The following CLEC2A variants were observed in gnomAD, a reference collection of about 807,000 sequenced individuals.
The protein encoded by CLEC2A is C-type lectin domain family 2 member A, also known as keratinocyte-associated C-type lectin.
A neutral mutation model predicts 18.6 loss-of-function variants in CLEC2A; 19 were observed. The ratio of observed to expected loss-of-function variants is 1.02; its 90% confidence interval spans 0.71 to 1.50. The LOEUF (loss-of-function observed/expected upper bound fraction) is 1.50. Among genes scored for constraint, CLEC2A ranks in the 40% most tolerant of loss-of-function variants. The probability of loss-of-function intolerance (pLI) is 0.00; values close to 1 mark genes in which losing one functional copy is unlikely to be tolerated. For synonymous variants in CLEC2A, 74 were observed against 64.0 expected (o/e 1.16, Z -0.75); for missense variants, 190 against 207.9 (o/e 0.91, Z 0.53).
chr12:9,929,099 G>T (rs1229532389), intron 1 of CLEC2A, among the ~76,000 whole-genome samples: 2 of 151,918 alleles, frequency 1.3e-5, no homozygotes, highest in African/African-American at 2.4e-5. Flanking sequence ...GTATTGATTT[G>T]TTAAATGTGC....
intron 1 of CLEC2A, among the ~76,000 whole-genome samples, chr12:9,931,752 G>C (rs779813297): frequency 6.6e-6 from 1 of 152,030 alleles, no homozygotes; most frequent in Non-Finnish European, 1.5e-5. Context: ...CAATTCATTC[G>C]TTTTCTTTAA....
At chr12:9,894,113 T>C (rs1171571938), downstream of CLEC2A, among the ~76,000 whole-genome samples, 3 of 131,148 alleles carry the variant, frequency 2.3e-5, no homozygotes, top group Non-Finnish European at 3.1e-5. Context: ...CTTTTTCTTT[T>C]TCTTTCTTTT....
chr12:9,890,392 G>A, the CLEC2A span, among the ~76,000 whole-genome samples: 4 of 151,006 alleles, frequency 2.6e-5, no homozygotes, highest in Non-Finnish European at 5.9e-5. Flanking sequence ...CCCATCTTTC[G>A]AGAGCTGAGG....
chr12:9,899,581 C>A (rs1265368038), intron 4 of CLEC2A, among the ~76,000 whole-genome samples: 1 of 152,170 alleles, frequency 6.6e-6, no homozygotes, highest in Admixed American at 6.5e-5. Flanking sequence ...TTTCCCTCTT[C>A]CATCTTTGCA....
chr12:9,918,594 T>C (rs1863111290), intron 3 of CLEC2A, among the ~76,000 whole-genome samples: 1 of 152,244 alleles, frequency 6.6e-6, no homozygotes, highest in Admixed American at 6.5e-5. Flanking sequence ...TCTTTTATGA[T>C]TCCATATGAA....
At chr12:9,919,538 C>T (rs1863129916) in intron 3 of CLEC2A, among the ~76,000 whole-genome samples, 1 of 152,222 alleles carries the variant, frequency 6.6e-6, no homozygotes, top group Non-Finnish European at 1.5e-5. Context: ...AGAGAGGTTT[C>T]CTGTTGCCCC....
chr12:9,884,794 T>TTTTA, the CLEC2A span: 1 of 372,966 alleles, frequency 2.7e-6, no homozygotes, highest in African/African-American at 2.1e-5. Context: ...ATTCTAGACT[T>TTTTA]TTTATTTTTA....
At chr12:9,901,434 A>G (rs117261728) in intron 4 of CLEC2A, among the ~76,000 whole-genome samples, 2,668 of 152,334 alleles carry the variant, frequency 0.018, 38 homozygotes, top group Non-Finnish European at 0.027. Context: ...ACCTAACATA[A>G]CAACTTTAAT....
At chr12:9,893,391 A>C in the CLEC2A span, 1 of 1,058,672 alleles carries the variant, frequency 9.4e-7, no homozygotes, top group South Asian at 1.5e-5. Context: ...AAATTTTTTT[A>C]AACAAATGAA....
the CLEC2A span, among the ~76,000 whole-genome samples, chr12:9,888,352 T>C: frequency 6.6e-6 from 1 of 151,652 alleles, no homozygotes; most frequent in African/African-American, 2.4e-5. Context: ...TAGCTGGGCA[T>C]GGTGGTGCGC....
At chr12:9,892,343 G>A in the CLEC2A span, among the ~76,000 whole-genome samples, 4 of 152,282 alleles carry the variant, frequency 2.6e-5, no homozygotes, top group South Asian at 8.3e-4. Flanking sequence ...ATGAAGTGCA[G>A]GTTGTAAAGA....
At chr12:9,889,534 T>A in the CLEC2A span, among the ~76,000 whole-genome samples, 2 of 152,214 alleles carry the variant, frequency 1.3e-5, no homozygotes, top group East Asian at 3.9e-4. Context: ...AGATATAATA[T>A]TAATTTTTCC....
downstream of CLEC2A, among the ~76,000 whole-genome samples, chr12:9,898,372 AG>A (rs1423016727): frequency 6.6e-6 from 1 of 152,224 alleles, no homozygotes; most frequent in East Asian, 1.9e-4. Context: ...ATCATATGCC[AG>A]ACCCCTCATC....
intron 3 of CLEC2A, among the ~76,000 whole-genome samples, chr12:9,921,218 A>G (rs61913471): frequency 0.083 from 12,639 of 152,252 alleles, 621 homozygotes; most frequent in African/African-American, 0.12. Context: ...TGTCATACAC[A>G]GTTGACTCAA....
downstream of CLEC2A, among the ~76,000 whole-genome samples, chr12:9,911,374 A>G (rs1862983816): frequency 6.6e-6 from 1 of 152,206 alleles, no homozygotes; most frequent in Non-Finnish European, 1.5e-5. Flanking sequence ...ACATTGCACA[A>G]TTAAGCCCTT....
At chr12:9,894,058 TTC>T (rs1862722248), downstream of CLEC2A, among the ~76,000 whole-genome samples, 1 of 151,610 alleles carries the variant, frequency 6.6e-6, no homozygotes, top group African/African-American at 2.4e-5. Context: ...TTCTTTCTCT[TTC>T]TCTTTTTTCT....
chr12:9,926,218 G>T, intron 2 of CLEC2A, 42 bp downstream of exon 2: 1 of 1,177,688 alleles, frequency 8.5e-7, no homozygotes, highest in Non-Finnish European at 1.2e-6. Flanking sequence ...GGACCCTTCA[G>T]GAGTGAAGAA....
At chr12:9,894,179 C>G (rs548448465), downstream of CLEC2A, among the ~76,000 whole-genome samples, 25 of 123,410 alleles carry the variant, frequency 2.0e-4, no homozygotes, top group Middle Eastern at 4.2e-3. Context: ...TTGTTTCTTT[C>G]TTTCTTTCTT....
downstream of CLEC2A, among the ~76,000 whole-genome samples, chr12:9,909,372 G>C (rs1308321581): frequency 1.3e-5 from 2 of 152,194 alleles, no homozygotes; most frequent in Non-Finnish European, 2.9e-5. Flanking sequence ...TAACTGGGGG[G>C]TGTTCATGTT....
Sources: allele counts gnomAD v4.1 joint callset (sites outside exome capture counted in the v4.1 genomes callset), GRCh38; gene constraint gnomAD v4.1.1; transcripts MANE v1.5; gene names NCBI Gene and HGNC (gene_info 2026-07-23, HGNC 2026-07-21).